NWD1: variants seen among roughly 807,000 people sequenced by gnomAD.
NWD1 encodes NACHT domain- and WD repeat-containing protein 1.
NWD1 carries 129 observed loss-of-function variants against 135.1 expected under a neutral mutation model. The observed-to-expected ratio is 0.96, with a 90% CI of 0.83 to 1.11. The LOEUF is 1.11. Ranked by LOEUF, NWD1 falls within the 50% of genes least tolerant of loss-of-function variation. The pLI is 0.00. For synonymous variants in NWD1, 773 were observed against 786.0 expected (o/e 0.98, Z 0.28); for missense variants, 1,740 against 1,851.3 (o/e 0.94, Z 1.10).
chr19:16,734,373 C>G (rs1184533210), intron 3 of NWD1, among the ~76,000 whole-genome samples: 2 of 151,728 alleles, frequency 1.3e-5, no homozygotes, highest in African/African-American at 4.8e-5. Context: ...ACGGTGAAAC[C>G]CCATCTCTAC....
At chr19:16,738,326 T>G in intron 4 of NWD1, 1 of 368,814 alleles carries the variant, frequency 2.7e-6, no homozygotes, top group Non-Finnish European at 5.7e-6. Context: ...CTCTGCATTT[T>G]GGGAGGCTGA....
At chr19:16,738,774 T>C (rs1967951220) in intron 4 of NWD1, among the ~76,000 whole-genome samples, 1 of 61,302 alleles carries the variant, frequency 1.6e-5, no homozygotes, top group Admixed American at 1.6e-4. Flanking sequence ...TAATGATATA[T>C]AATATATAAT....
intron 2 of NWD1, among the ~76,000 whole-genome samples, chr19:16,726,661 A>C (rs1174855249): frequency 6.6e-6 from 1 of 151,646 alleles, no homozygotes; most frequent in Admixed American, 6.6e-5. Context: ...GCTGGTTTGA[A>C]CTCCTAACCT....
Position 16,749,821 on chromosome 19 carries a change from G to A in NWD1, c.1179G>A (p.Val393=). 1.2e-6 allele frequency: 2 copies of A among 1,608,992 alleles called. No individual in the cohort carries two copies. Among genetic ancestry groups the A allele is most frequent in the East Asian group, 2.2e-5 (1 of 44,842 alleles). Reference sequence around the variant, plus strand: ...TGCTGAAGAGCATCTGCTTCCAGGTGTGCCTGGCCTATGGGCTGCCCTTGC... The same window carrying A: ...TGCTGAAGAGCATCTGCTTCCAGGTATGCCTGGCCTATGGGCTGCCCTTGC... ...RGLLKSICFQ[V]CLAYGLPLPP... The change falls in exon 6 of 19, where the codon GTG becomes GTA. Residue 393 remains valine, a synonymous_variant. Coordinates refer to ENST00000524140, the MANE Select transcript of NWD1 (RefSeq NM_001007525.5).
rs1971107298 is a variant in NWD1 at position 16,817,873 on chromosome 19, C to T, written c.*2834C>T. On this transcript the variant is annotated 3_prime_UTR_variant, in exon 19 of 19. Coordinates refer to ENST00000524140, the MANE Select transcript of NWD1 (RefSeq NM_001007525.5). ...ATGCCTGTGTCCATCTCCACAGCCT[C>T]AGTGAGAATTGATTGTTTTGTAGAT... The T allele has an allele frequency of 6.6e-6, 1 of 152,124 alleles. No individual in the cohort carries two copies. The highest frequency in any genetic ancestry group is 1.5e-5 in the Non-Finnish European group (1 of 68,028). The allele number at this position is 152,124 out of a possible 1,614,324, so 9.4% of individuals were successfully genotyped here. A position where few individuals can be genotyped will look rare whatever the true frequency, so the allele number is the denominator to read the frequency against.
chr19:16,798,575 C>T (rs1970496062), intron 16 of NWD1, among the ~76,000 whole-genome samples: 2 of 152,166 alleles, frequency 1.3e-5, no homozygotes, highest in African/African-American at 4.8e-5. Context: ...TACGCCACTG[C>T]ACTTCAGCCT....
Position 16,815,050 on chromosome 19 carries a change from T to C in NWD1, c.*11T>C, listed in dbSNP as rs746957344. 4.3e-6 allele frequency: 7 copies of C among 1,613,856 alleles called. No homozygotes were observed. Among genetic ancestry groups the C allele is most frequent in the Non-Finnish European group, 5.9e-6 (7 of 1,179,840 alleles). On this transcript the variant is annotated 3_prime_UTR_variant, in exon 19 of 19. Coordinates refer to ENST00000524140, the MANE Select transcript of NWD1 (RefSeq NM_001007525.5). ...CAGGCACCCTGCTGACAGTCCAGTT[T>C]GTCCATGCTGTGGTAAACAGAATCA...
At chr19:16,779,575 C>T in intron 12 of NWD1, 110 bp downstream of exon 12, 2 of 983,108 alleles carry the variant, frequency 2.0e-6, no homozygotes, top group East Asian at 2.4e-5. Flanking sequence ...GGCCTTTGTT[C>T]CTGCATCACT....
chr19:16,811,705 G>A (rs1970930279), intron 18 of NWD1, among the ~76,000 whole-genome samples: 1 of 152,106 alleles, frequency 6.6e-6, no homozygotes, highest in African/African-American at 2.4e-5. Flanking sequence ...AATCTCTATG[G>A]AGGTGTGCCT....
At chr19:16,735,870 A>T (rs1295204539) in intron 3 of NWD1, among the ~76,000 whole-genome samples, 1 of 82,320 alleles carries the variant, frequency 1.2e-5, no homozygotes, top group African/African-American at 7.1e-5. Flanking sequence ...AGGAAGGAGG[A>T]AGGAAGGAAG....
intron 2 of NWD1, among the ~76,000 whole-genome samples, chr19:16,728,943 CAAAA>C (rs59881448): frequency 7.1e-5 from 7 of 98,714 alleles, no homozygotes; most frequent in Admixed American, 1.2e-4. Flanking sequence ...GACTCCATCT[CAAAA>C]AAAAAAAAAA....
chr19:16,737,773 A>T (rs1439083260), intron 4 of NWD1, among the ~76,000 whole-genome samples: 1 of 151,516 alleles, frequency 6.6e-6, no homozygotes, highest in Non-Finnish European at 1.5e-5. Context: ...GGAGATTGAG[A>T]CCAGCCTGGG....
In NWD1 at chr19:16,724,446, A is replaced by G. The variant is rs1032814117; in HGVS notation, c.-24A>G. ...CGATGGAGGAGCCGGCATTCCAACC[A>G]GGCTCACGGATGCCAAGGTATACGC... is the stretch of plus-strand genomic sequence containing the variant. On this transcript the variant is annotated 5_prime_UTR_variant, in exon 2 of 19. Coordinates refer to ENST00000524140, the MANE Select transcript of NWD1 (RefSeq NM_001007525.5). 2.0e-5 allele frequency: 3 copies of G among 152,154 alleles called. No individual in the cohort carries two copies. Among genetic ancestry groups the G allele is most frequent in the Non-Finnish European group, 2.9e-5 (2 of 68,046 alleles). 9.4% of individuals were successfully genotyped at this position (152,154 alleles called of 1,614,324 possible).
chr19:16,817,400 A>T lies in NWD1; in HGVS notation c.*2361A>T, dbSNP rs938537652. 34 of 152,120 alleles carry T rather than the reference A, an allele frequency of 2.2e-4. No individual in the cohort carries two copies. Among genetic ancestry groups the T allele is most frequent in the African/African-American group, 8.2e-4 (34 of 41,420 alleles). The allele number at this position is 152,120 out of a possible 1,614,324, so 9.4% of individuals were successfully genotyped here. ...TGGATCACTTGAGGCCAGGTGTTCA[A>T]GAGCAGCCTGGTCAACATGGTGAAA... is the stretch of plus-strand genomic sequence containing the variant. On this transcript the variant is annotated 3_prime_UTR_variant, in exon 19 of 19. Coordinates refer to ENST00000524140, the MANE Select transcript of NWD1 (RefSeq NM_001007525.5).
At chr19:16,798,828 T>C (rs1212842457) in intron 16 of NWD1, among the ~76,000 whole-genome samples, 1 of 151,998 alleles carries the variant, frequency 6.6e-6, no homozygotes, top group Non-Finnish European at 1.5e-5. Flanking sequence ...GGTTCCGCCA[T>C]GTTGGCCAGG....
At chr19:16,793,996 T>G (rs1430896237) in intron 14 of NWD1, among the ~76,000 whole-genome samples, 1 of 152,124 alleles carries the variant, frequency 6.6e-6, no homozygotes, top group African/African-American at 2.4e-5. Flanking sequence ...GGGGCACAAG[T>G]GATCCTCCTG....
chr19:16,789,201 T>C lies in NWD1; in HGVS notation c.2940+11T>C, dbSNP rs1228456343. 1.3e-6 allele frequency: 2 copies of C among 1,598,548 alleles called. No homozygotes were observed. The highest frequency in any genetic ancestry group is 1.3e-5 in the African/African-American group (1 of 74,514). On this transcript the variant is annotated intron_variant, in intron 13 of 18. Coordinates refer to ENST00000524140, the MANE Select transcript of NWD1 (RefSeq NM_001007525.5). Reference sequence around the variant, plus strand: ...GCATCTGGCTCAAAGGTAACAAACATATGCCCTGTTTGTAAAGGAAAGCTG... The same window carrying C: ...GCATCTGGCTCAAAGGTAACAAACACATGCCCTGTTTGTAAAGGAAAGCTG...
intron 12 of NWD1, 117 bp downstream of exon 12, chr19:16,779,582 C>T: frequency 1.1e-6 from 1 of 920,412 alleles, no homozygotes; most frequent in Non-Finnish European, 1.7e-6. Context: ...GTTCCTGCAT[C>T]ACTTAGCTAT....
chr19:16,744,379 GA>G, intron 4 of NWD1, 41 bp from the exon 5 acceptor site: 4 of 1,524,270 alleles, frequency 2.6e-6, no homozygotes, highest in Admixed American at 2.0e-5. Context: ...CTTGTCTGAA[GA>G]AAAAAAGTGA....
Sources: allele counts gnomAD v4.1 joint callset (sites outside exome capture counted in the v4.1 genomes callset), GRCh38; gene constraint gnomAD v4.1.1; transcripts MANE v1.5; gene names NCBI Gene and HGNC (gene_info 2026-07-23, HGNC 2026-07-21).